TXNDC5: variants seen among roughly 807,000 people sequenced by gnomAD.
The protein encoded by TXNDC5 is thioredoxin domain containing 5.
A neutral mutation model predicts 52.6 loss-of-function variants in TXNDC5; 44 were observed. The ratio of observed to expected loss-of-function variants is 0.84; its 90% CI spans 0.66 to 1.08. TXNDC5 has a LOEUF of 1.08. Ranked by LOEUF, TXNDC5 falls within the 50% of genes least tolerant of loss-of-function variation. The pLI is 0.00. For synonymous variants in TXNDC5, 241 were observed against 234.4 expected (o/e 1.03, Z -0.26); for missense variants, 600 against 565.5 (o/e 1.06, Z -0.62).
chr6:7,907,153 C>T lies in TXNDC5; in HGVS notation c.264-2430G>A, dbSNP rs1462053025. On this transcript the variant is annotated intron_variant, in intron 1 of 9. Coordinates refer to ENST00000379757, the MANE Select transcript of TXNDC5 (RefSeq NM_030810.5). ...TTGACAAGGTTTTGTTTTGCTACTG[C>T]TTTTTTTTTCCCTTTTTTTTTTTTG... Among the ~76,000 whole-genome samples the T allele has an allele frequency of 4.8e-5, 7 of 145,250 alleles. No individual in the cohort carries two copies. In the East Asian group the frequency reaches 1.4e-3, roughly 29 times the overall value.
Position 7,910,637 on chromosome 6 carries a change from TCC to T in TXNDC5, c.138_139del (p.Asp47ArgfsTer54). 1 of 1,234,280 alleles carries T rather than the reference TCC, an allele frequency of 8.1e-7. No homozygotes were observed. Among genetic ancestry groups the T allele is most frequent in the Non-Finnish European group, 1.0e-6 (1 of 964,326 alleles). 76.5% of individuals were successfully genotyped at this position (1,234,280 alleles called of 1,614,324 possible). A position where few individuals can be genotyped will look rare whatever the true frequency, so the allele number is the denominator to read the frequency against. ...CTCGCCGTCTGCCGCGGGGGGCCCG[TCC>T]GCCGCCGCCGCCGCCGCCTCCTGGG... is the stretch of plus-strand genomic sequence containing the variant. On this transcript the variant is annotated frameshift_variant, in exon 1 of 10. Coordinates refer to ENST00000379757, the MANE Select transcript of TXNDC5 (RefSeq NM_030810.5). LOFTEE classifies it high-confidence loss of function.
At chr6:7,902,528 C>T (rs1003627802) in intron 2 of TXNDC5, among the ~76,000 whole-genome samples, 1 of 152,126 alleles carries the variant, frequency 6.6e-6, no homozygotes, top group Non-Finnish European at 1.5e-5. Context: ...TCACCTGCCT[C>T]GGGCCTCACA....
chr6:7,902,861 T>C (rs1760613993), intron 2 of TXNDC5, among the ~76,000 whole-genome samples: 1 of 152,244 alleles, frequency 6.6e-6, no homozygotes, highest in African/African-American at 2.4e-5. Flanking sequence ...TGTGACTTTT[T>C]ACATTTGTGA....
At chr6:7,890,257 C>G (rs941286993) in intron 5 of TXNDC5, among the ~76,000 whole-genome samples, 1 of 152,126 alleles carries the variant, frequency 6.6e-6, no homozygotes, top group African/African-American at 2.4e-5. Flanking sequence ...TCTACCAGCA[C>G]TAAAATAGGC....
chr6:7,889,006 G>T, intron 6 of TXNDC5, 158 bp from the exon 7 acceptor site: 1 of 939,638 alleles, frequency 1.1e-6, no homozygotes, highest in Non-Finnish European at 1.5e-6. Context: ...ATGTAGAGAG[G>T]ATAACTGAAT....
chr6:7,894,618 G>T, intron 4 of TXNDC5: 1 of 709,106 alleles, frequency 1.4e-6, no homozygotes, highest in Non-Finnish European at 1.7e-6. Flanking sequence ...ATGTGCTACA[G>T]CATTACTTCT....
chr6:7,909,938 G>A, intron 1 of TXNDC5: 2 of 986,042 alleles, frequency 2.0e-6, no homozygotes, highest in Non-Finnish European at 1.2e-6. Context: ...CCCACGGGCA[G>A]GCCGCGCGTC....
chr6:7,909,889 CCGCGGCAGCAGCAA>C, intron 1 of TXNDC5: 1 of 986,050 alleles, frequency 1.0e-6, no homozygotes, highest in African/African-American at 1.7e-5. Flanking sequence ...ACCCCGGTGG[CCGCGGCAGCAGCAA>C]GGCCGCTCTG....
Position 7,883,022 on chromosome 6 carries a change from C to G in TXNDC5, c.*122G>C. 4 of 1,326,570 alleles carry G rather than the reference C, an allele frequency of 3.0e-6. No individual in the cohort carries two copies. Among genetic ancestry groups the G allele is most frequent in the Non-Finnish European group, 4.2e-6 (4 of 957,458 alleles). The allele number at this position is 1,326,570 out of a possible 1,614,324, so 82.2% of individuals were successfully genotyped here. A position where few individuals can be genotyped will look rare whatever the true frequency, so the allele number is the denominator to read the frequency against. On this transcript the variant is annotated 3_prime_UTR_variant, in exon 10 of 10. Transcript: ENST00000379757. Reference sequence around the variant, plus strand: ...AAACACACACACAAAGAAGATACCTCACGCTTAGTATGTTCTGCTTTCTGA... The same window carrying G: ...AAACACACACACAAAGAAGATACCTGACGCTTAGTATGTTCTGCTTTCTGA...
intron 9 of TXNDC5, 73 bp from the exon 10 acceptor site, chr6:7,883,339 C>A: frequency 6.2e-7 from 1 of 1,604,542 alleles, no homozygotes; most frequent in East Asian, 2.2e-5. Context: ...TAAATAAAAC[C>A]AGATACACTC....
chr6:7,910,699 C>T lies in TXNDC5; in HGVS notation c.78G>A (p.Leu26=). The T allele has an allele frequency of 9.5e-7, 1 of 1,047,836 alleles. No homozygotes were observed. Among genetic ancestry groups the T allele is most frequent in the Non-Finnish European group, 1.1e-6 (1 of 871,108 alleles). 64.9% of individuals were successfully genotyped at this position (1,047,836 alleles called of 1,614,324 possible). Residue 26 remains leucine (L), a synonymous_variant, in exon 1 of 10, where the codon CTG becomes CTA. Coordinates refer to ENST00000379757, the MANE Select transcript of TXNDC5 (RefSeq NM_030810.5). ...CCCAGCGCCCGCCGCCGCCATGGCC[C>T]AGCAGCAGCAGCAGCAGCGCAGTCA... ...AALTALLLLL[L]GHGGGGRWGA...
intron 7 of TXNDC5, 38 bp downstream of exon 7, chr6:7,888,667 G>T: frequency 6.3e-7 from 1 of 1,580,098 alleles, no homozygotes; most frequent in South Asian, 1.2e-5. Flanking sequence ...GGGGGCCACG[G>T]GCCACTTATG....
rs777452477 is a variant in TXNDC5, at chr6:7,904,683, G to T, written c.304C>A (p.Leu102Met). Residue 102 changes from leucine to methionine, a missense_variant, in exon 2 of 10, where the codon CTG becomes ATG. Leu to Met is a conservative substitution (Grantham distance 15). Coordinates refer to ENST00000379757, the MANE Select transcript of TXNDC5 (RefSeq NM_030810.5). ...CQRLQPTWND[L>M]GDKYNSMEDA... ...TCCATGCTGTTGTATTTGTCTCCCA[G>T]GTCATTCCAAGTCGGCTGCAGCCGC... 3 of 1,614,080 alleles carry T rather than the reference G, an allele frequency of 1.9e-6. No homozygotes were observed. Among genetic ancestry groups the T allele is most frequent in the Admixed American group, 1.7e-5 (1 of 60,002 alleles).
chr6:7,896,581 A>G (rs1022513506), intron 3 of TXNDC5, among the ~76,000 whole-genome samples: 2 of 152,264 alleles, frequency 1.3e-5, no homozygotes, highest in East Asian at 3.8e-4. Flanking sequence ...ATAAAGAACC[A>G]CAAAGTTTCC....
chr6:7,901,806 C>G (rs1760577428), intron 2 of TXNDC5, among the ~76,000 whole-genome samples: 1 of 152,228 alleles, frequency 6.6e-6, no homozygotes, highest in Non-Finnish European at 1.5e-5. Flanking sequence ...TAGGTACTGC[C>G]TTGGCAAACA....
At chr6:7,893,077 C>T (rs1760251391) in intron 4 of TXNDC5, among the ~76,000 whole-genome samples, 3 of 152,184 alleles carry the variant, frequency 2.0e-5, no homozygotes, top group African/African-American at 7.2e-5. Context: ...AAAAATGAAA[C>T]ATCACCCCCT....
chr6:7,907,992 G>A (rs1760790725), intron 1 of TXNDC5, among the ~76,000 whole-genome samples: 1 of 152,142 alleles, frequency 6.6e-6, no homozygotes, highest in South Asian at 2.1e-4. Flanking sequence ...CTATCAAGAA[G>A]TCAACAAATA....
chr6:7,902,088 C>T lies in TXNDC5; in HGVS notation c.414-2407G>A, dbSNP rs554266815. Among the ~76,000 whole-genome samples the T allele has an allele frequency of 1.1e-4, 17 of 152,224 alleles. 1 individual carries two copies. In the South Asian group the frequency reaches 3.3e-3, roughly 30 times the overall value. On this transcript the variant is annotated intron_variant, in intron 2 of 9. Transcript: ENST00000379757. Reference sequence around the variant, plus strand: ...ACAGAGGACGGCAGTGATGCATCTACAAGCCAAGGAACGCCAAAGATGACC... The same window carrying T: ...ACAGAGGACGGCAGTGATGCATCTATAAGCCAAGGAACGCCAAAGATGACC...
At chr6:7,893,325 T>A (rs1302058193) in intron 4 of TXNDC5, among the ~76,000 whole-genome samples, 1 of 152,222 alleles carries the variant, frequency 6.6e-6, no homozygotes, top group African/African-American at 2.4e-5. Flanking sequence ...GGTGAAAAAC[T>A]TCCTTTAAAA....
Sources: gnomAD v4.1 joint callset for allele counts (sites outside exome capture counted in the v4.1 genomes callset) on GRCh38, gnomAD v4.1.1 for gene constraint, MANE v1.5 for transcripts, NCBI Gene and HGNC (gene_info 2026-07-23, HGNC 2026-07-21) for gene names.